Variants in PDS5B observed in about 807,000 individuals in gnomAD.
PDS5B encodes the protein sister chromatid cohesion protein PDS5 homolog B.
Under a neutral mutation model 184.1 loss-of-function variants are expected in PDS5B, and 51 were observed. The observed-to-expected ratio is 0.28, with a 90% CI of 0.22 to 0.35. The LOEUF is 0.35. Ranked by LOEUF, PDS5B falls within the 10% of genes least tolerant of loss-of-function variation. PDS5B has a pLI of 1.00. For missense variants in PDS5B, 1,180 were observed against 1,723.3 expected (o/e 0.68, Z 5.58); for synonymous variants, 566 against 569.2 (o/e 0.99, Z 0.08).
intron 19 of PDS5B, among the ~76,000 whole-genome samples, chr13:32,725,809 C>T (rs563998660): frequency 8.5e-5 from 13 of 152,228 alleles, no homozygotes; most frequent in African/African-American, 2.6e-4. Flanking sequence ...CTCATGATAG[C>T]AGTAGCACCA....
intron 11 of PDS5B, among the ~76,000 whole-genome samples, chr13:32,684,335 C>CT (rs1951327688): frequency 6.6e-6 from 1 of 152,172 alleles, no homozygotes; most frequent in African/African-American, 2.4e-5. Context: ...TACAACTTCT[C>CT]TTATGTTGTT....
At chr13:32,639,029 A>C (rs551388561) in intron 1 of PDS5B, among the ~76,000 whole-genome samples, 13 of 151,600 alleles carry the variant, frequency 8.6e-5, no homozygotes, top group African/African-American at 2.7e-4. Flanking sequence ...AAAATTCGTA[A>C]TTTTATCCAC....
chr13:32,692,084 T>G (rs1271391818), intron 13 of PDS5B, among the ~76,000 whole-genome samples: 1 of 152,128 alleles, frequency 6.6e-6, no homozygotes, highest in Non-Finnish European at 1.5e-5. Flanking sequence ...TGAAAGGGAC[T>G]TAAAAATAGC....
chr13:32,676,084 A>G (rs1593399951), intron 9 of PDS5B, 125 bp downstream of exon 9: 1 of 573,632 alleles, frequency 1.7e-6, no homozygotes, highest in Non-Finnish European at 3.1e-6. Context: ...TTTTATGTTG[A>G]AAGTTTTGAA....
Position 32,732,257 on chromosome 13 carries a change from T to A in PDS5B, c.2247+33T>A, listed in dbSNP as rs1953148917. On this transcript the variant is annotated intron_variant, in intron 20 of 34. Coordinates refer to ENST00000315596, the MANE Select transcript of PDS5B (RefSeq NM_015032.4). ...GAAAAAAATTTTCTTGTTTATTTCA[T>A]ATGTCATAGTTACAAAACAAATATT... is the stretch of plus-strand genomic sequence containing the variant. The A allele has an allele frequency of 2.7e-6, 4 of 1,460,148 alleles. No individual in the cohort carries two copies. The East Asian group carries it at 9.1e-5, about 33-fold the overall frequency. The allele number at this position is 1,460,148 out of a possible 1,614,324, so 90.4% of individuals were successfully genotyped here.
Position 32,741,074 on chromosome 13 carries a change from T to G in PDS5B, c.2407-6T>G. ...TGGTTTTTTTTTTTTTCTCGTTTAT[T>G]TTTAGCTTCCAGGGAAAAAGACAAC... On this transcript the variant is annotated splice_polypyrimidine_tract_variant and splice_region_variant and intron_variant, in intron 21 of 34. Transcript: ENST00000315596. 6.7e-7 allele frequency: 1 copy of G among 1,500,154 alleles called. No homozygotes were observed. Among genetic ancestry groups the G allele is most frequent in the Non-Finnish European group, 9.2e-7 (1 of 1,091,104 alleles). 92.9% of individuals were successfully genotyped at this position (1,500,154 alleles called of 1,614,324 possible).
chr13:32,589,330 T>C (rs1485088468), intron 1 of PDS5B, among the ~76,000 whole-genome samples: 1 of 152,182 alleles, frequency 6.6e-6, no homozygotes, highest in East Asian at 1.9e-4. Context: ...AAATTCAGGG[T>C]AGTACATTAC....
chr13:32,647,121 C>A (rs1356936646), intron 1 of PDS5B, among the ~76,000 whole-genome samples: 2 of 152,158 alleles, frequency 1.3e-5, no homozygotes, highest in Non-Finnish European at 2.9e-5. Context: ...GCCTCTGCTT[C>A]AATCTAGTCC....
At chr13:32,674,439 G>C (rs1951015178) in intron 8 of PDS5B, among the ~76,000 whole-genome samples, 2 of 152,144 alleles carry the variant, frequency 1.3e-5, no homozygotes, top group African/African-American at 4.8e-5. Context: ...TGGCCTTCCT[G>C]TCCCCTTTTT....
At chr13:32,738,130 G>T (rs1953403153) in intron 21 of PDS5B, among the ~76,000 whole-genome samples, 2 of 152,094 alleles carry the variant, frequency 1.3e-5, no homozygotes, top group East Asian at 3.8e-4. Context: ...CTAGTAGATT[G>T]TGGAATATTT....
At chr13:32,638,820 G>A (rs2058608801) in intron 1 of PDS5B, among the ~76,000 whole-genome samples, 1 of 152,032 alleles carries the variant, frequency 6.6e-6, no homozygotes, top group South Asian at 2.1e-4. Flanking sequence ...AAGAGGGAGG[G>A]AAGGAAGGAA....
rs1953293089 is a variant in PDS5B, at chr13:32,735,341, T to C, written c.2406+11T>C. 1.3e-6 allele frequency: 2 copies of C among 1,578,606 alleles called. No homozygotes were observed. Among genetic ancestry groups the C allele is most frequent in the Admixed American group, 3.5e-5 (2 of 57,142 alleles). On this transcript the variant is annotated intron_variant, in intron 21 of 34. Transcript: ENST00000315596. ...CTCATGAATGATCGGGTAATTTATA[T>C]TTTTTAGATTCATGTTCTTTGTAAT...
At chr13:32,702,241 C>A (rs1951883248) in intron 17 of PDS5B, among the ~76,000 whole-genome samples, 1 of 152,026 alleles carries the variant, frequency 6.6e-6, no homozygotes. Flanking sequence ...GTCATTGACC[C>A]CTTGCAAATA....
rs371312440 is a variant in PDS5B, at chr13:32,770,135, G to T, written c.3639G>T (p.Lys1213Asn). The T allele has an allele frequency of 2.5e-6, 4 of 1,612,026 alleles. No homozygotes were observed. Among genetic ancestry groups the T allele is most frequent in the Non-Finnish European group, 3.4e-6 (4 of 1,179,300 alleles). ...TTTTCCCCTAGTCTGAATTGGAGAAGCCTAGAGGCAGGAAAAAAACGCCCG... is the reference window on the plus strand; with the variant it reads ...TTTTCCCCTAGTCTGAATTGGAGAATCCTAGAGGCAGGAAAAAAACGCCCG... Reference protein sequence around the residue: ...DSDLVRSELEKPRGRKKTPVT... With the variant: ...DSDLVRSELENPRGRKKTPVT... The change falls in exon 32 of 35, where the codon AAG (lysine) becomes AAT (asparagine). Residue 1213 changes from lysine (K) to asparagine (N), a missense_variant. Transcript: ENST00000315596.
At chr13:32,712,725 T>A (rs1382041191) in intron 19 of PDS5B, among the ~76,000 whole-genome samples, 1 of 152,156 alleles carries the variant, frequency 6.6e-6, no homozygotes, top group Admixed American at 6.5e-5. Context: ...GGACACACTT[T>A]AAGAGAAAGA....
Position 32,694,288 on chromosome 13 carries a change from T to G in PDS5B, c.1535T>G (p.Leu512Trp). The G allele has an allele frequency of 6.3e-7, 1 of 1,594,688 alleles. No individual in the cohort carries two copies. Among genetic ancestry groups the G allele is most frequent in the East Asian group, 2.3e-5 (1 of 44,380 alleles). ...CATCAAGTAAAGGATTTGCTTGACT[T>G]GATTAAGCAACCCAAAGTAAGTAAG... The part of the protein sequence containing the change: ...LRHQVKDLLD[L>W]IKQPKTDASV... The change falls in exon 14 of 35, where the codon TTG (leucine) becomes TGG (tryptophan). Residue 512 changes from leucine (L) to tryptophan (W), a missense_variant. By Grantham distance (61) the Leu-to-Trp change is moderately conservative. Around this residue, in one of 11 missense-constraint regions of PDS5B, gnomAD observed 475 missense variants for 691.5 expected, o/e 0.69. Coordinates refer to ENST00000315596, the MANE Select transcript of PDS5B (RefSeq NM_015032.4).
At position 32,735,241 on chromosome 13, in the gene PDS5B, A is replaced by G; in HGVS notation, c.2317A>G (p.Ile773Val). The change falls in exon 21 of 35, where the codon ATT becomes GTT. Residue 773 changes from isoleucine to valine, a missense_variant. By Grantham distance (29) the Ile-to-Val change is conservative (BLOSUM62 3). Coordinates refer to ENST00000315596, the MANE Select transcript of PDS5B (RefSeq NM_015032.4). ...AACACCATTGGTTACTATTGGTCAT[A>G]TTGCTCTCCTTGCACCTGATCAATT... is the stretch of plus-strand genomic sequence containing the variant. ...LITPLVTIGH[I>V]ALLAPDQFAA... 2 of 1,612,384 alleles carry G rather than the reference A, an allele frequency of 1.2e-6. No homozygotes were observed. Among genetic ancestry groups the G allele is most frequent in the Non-Finnish European group, 1.7e-6 (2 of 1,178,592 alleles).
intron 19 of PDS5B, among the ~76,000 whole-genome samples, 164 bp downstream of exon 19, chr13:32,710,270 G>A (rs1201495704): frequency 6.6e-6 from 1 of 152,184 alleles, no homozygotes; most frequent in East Asian, 1.9e-4. Context: ...AGAAAGCTTT[G>A]ATTGGTATTT....
intron 21 of PDS5B, among the ~76,000 whole-genome samples, chr13:32,740,807 T>C (rs974927405): frequency 2.0e-5 from 3 of 152,078 alleles, no homozygotes; most frequent in Non-Finnish European, 2.9e-5. Context: ...AAGGGAGTGA[T>C]GTGTAAGAAG....
Sources: allele counts gnomAD v4.1 joint callset (sites outside exome capture counted in the v4.1 genomes callset), GRCh38; gene constraint gnomAD v4.1.1; regional missense constraint gnomAD v4.1.1; transcripts MANE v1.5; gene names NCBI Gene and HGNC (gene_info 2026-07-23, HGNC 2026-07-21).